ACOT11: variants seen among roughly 807,000 people sequenced by gnomAD.
The protein encoded by ACOT11 is acyl-coenzyme A thioesterase 11.
A neutral mutation model predicts 77.5 loss-of-function variants in ACOT11; 69 were observed. The ratio of observed to expected loss-of-function variants is 0.89; its 90% CI spans 0.73 to 1.09. ACOT11 has a LOEUF of 1.09. Among genes scored for constraint, ACOT11 ranks in the 50% least tolerant of loss-of-function variants. The pLI, the probability that ACOT11 is intolerant of heterozygous loss-of-function variation, is 0.00. For synonymous variants in ACOT11, 279 were observed against 313.0 expected (o/e 0.89, Z 1.15); for missense variants, 766 against 813.7 (o/e 0.94, Z 0.71).
chr1:54,603,971 G>C (rs751061959), intron 11 of ACOT11, 34 bp downstream of exon 11: 1 of 1,601,996 alleles, frequency 6.2e-7, no homozygotes, highest in African/African-American at 1.3e-5. Flanking sequence ...ACAGTCTTCA[G>C]ACCCACCGGG....
chr1:54,632,409 GGTA>G (rs746421229), intron 16 of ACOT11, among the ~76,000 whole-genome samples: 1 of 152,270 alleles, frequency 6.6e-6, no homozygotes, highest in East Asian at 1.9e-4. Flanking sequence ...CTTGCCAGTG[GGTA>G]CAATAGGATT....
chr1:54,606,576 C>T (rs1301921457), intron 13 of ACOT11, among the ~76,000 whole-genome samples: 1 of 152,184 alleles, frequency 6.6e-6, no homozygotes, highest in African/African-American at 2.4e-5. Context: ...AGCCCTGCTT[C>T]CTTATTAGCT....
At chr1:54,557,120 A>C (rs1653284170) in intron 1 of ACOT11, among the ~76,000 whole-genome samples, 1 of 151,252 alleles carries the variant, frequency 6.6e-6, no homozygotes, top group Non-Finnish European at 1.5e-5. Context: ...TAGGCCAGGC[A>C]TGGTGGCTCA....
In ACOT11 at chr1:54,603,957, G is replaced by A; in HGVS notation, c.1152+20G>A. On this transcript the variant is annotated intron_variant, in intron 11 of 15. Coordinates refer to ENST00000343744, the MANE Select transcript of ACOT11 (RefSeq NM_147161.4). ...AACCAGGTAAGGCTCTCTGCTCCGAGAGGACAGTCTTCAGACCCACCGGGC... is the reference window on the plus strand; with the variant it reads ...AACCAGGTAAGGCTCTCTGCTCCGAAAGGACAGTCTTCAGACCCACCGGGC... The A allele has an allele frequency of 6.2e-7, 1 of 1,612,956 alleles. No individual in the cohort carries two copies. Among genetic ancestry groups the A allele is most frequent in the Non-Finnish European group, 8.5e-7 (1 of 1,179,042 alleles).
intron 1 of ACOT11, among the ~76,000 whole-genome samples, chr1:54,575,761 G>A (rs577601954): frequency 1.6e-4 from 24 of 152,322 alleles, no homozygotes; most frequent in African/African-American, 5.8e-4. Flanking sequence ...GGGTGCCCGG[G>A]GTGCTGAGGG....
Position 54,548,280 on chromosome 1 carries a change from G to C in ACOT11, c.-30G>C. On this transcript the variant is annotated 5_prime_UTR_variant, in exon 1 of 16. Coordinates refer to ENST00000343744, the MANE Select transcript of ACOT11 (RefSeq NM_147161.4). Reference sequence around the variant, plus strand: ...AGGTGACCAGCTTGTGTCTCTGGGAGGGCGCTGCTTTCCCCGGCCACCCGG... The same window carrying C: ...AGGTGACCAGCTTGTGTCTCTGGGACGGCGCTGCTTTCCCCGGCCACCCGG... 2 of 1,584,826 alleles carry C rather than the reference G, an allele frequency of 1.3e-6. No individual in the cohort carries two copies. The highest frequency in any genetic ancestry group is 1.7e-6 in the Non-Finnish European group (2 of 1,165,788).
intron 15 of ACOT11, among the ~76,000 whole-genome samples, chr1:54,623,087 A>C (rs1420600233): frequency 1.3e-5 from 2 of 151,686 alleles, no homozygotes; most frequent in Non-Finnish European, 2.9e-5. Flanking sequence ...GAGGCAGGAG[A>C]ATCGCTTGAA....
intron 3 of ACOT11, among the ~76,000 whole-genome samples, chr1:54,589,202 A>G (rs1654617365): frequency 6.6e-6 from 1 of 151,582 alleles, no homozygotes; most frequent in African/African-American, 2.4e-5. Flanking sequence ...TTTTTATTAG[A>G]GATGGGGTTT....
At chr1:54,610,337 CG>C, downstream of ACOT11, 4 of 1,564,778 alleles carry the variant, frequency 2.6e-6, no homozygotes. Flanking sequence ...CAACAGAGAC[CG>C]GCGGTACCTG....
At chr1:54,610,509 G>C (rs371294069), downstream of ACOT11, 45 of 1,613,490 alleles carry the variant, frequency 2.8e-5, no homozygotes, top group Middle Eastern at 1.6e-4. Context: ...GGAGAAGAGG[G>C]ATCAGGCTGC....
chr1:54,610,668 G>C, downstream of ACOT11: 2 of 1,465,628 alleles, frequency 1.4e-6, no homozygotes, highest in South Asian at 2.8e-5. Context: ...AAGCCTCATA[G>C]CACCCTGCCA....
downstream of ACOT11, chr1:54,614,698 A>G (rs763502348): frequency 4.3e-6 from 7 of 1,609,878 alleles, no homozygotes; most frequent in African/African-American, 9.4e-5. Flanking sequence ...GCGAACACTC[A>G]CTGTGTGGCA....
At chr1:54,570,782 G>C (rs886386555) in intron 1 of ACOT11, among the ~76,000 whole-genome samples, 1 of 151,868 alleles carries the variant, frequency 6.6e-6, no homozygotes, top group Non-Finnish European at 1.5e-5. Flanking sequence ...CCAGGTTCAA[G>C]CGACTCTCCT....
intron 15 of ACOT11, among the ~76,000 whole-genome samples, chr1:54,608,525 G>C (rs981715843): frequency 2.6e-5 from 4 of 152,150 alleles, no homozygotes; most frequent in African/African-American, 9.7e-5. Context: ...GTCTGGCCTT[G>C]AGACTCACCC....
At chr1:54,568,600 G>A (rs1253477735) in intron 1 of ACOT11, among the ~76,000 whole-genome samples, 1 of 151,978 alleles carries the variant, frequency 6.6e-6, no homozygotes, top group African/African-American at 2.4e-5. Context: ...CCAACCTCAG[G>A]TGATCCACTC....
At chr1:54,588,890 A>G (rs987563811) in intron 3 of ACOT11, among the ~76,000 whole-genome samples, 6 of 152,192 alleles carry the variant, frequency 3.9e-5, no homozygotes, top group Admixed American at 2.6e-4. Context: ...AGGGGCCTGG[A>G]GCATGGTTGG....
chr1:54,607,163 A>C lies in ACOT11; in HGVS notation c.1400A>C (p.Glu467Ala). 1 of 1,614,140 alleles carries C rather than the reference A, an allele frequency of 6.2e-7. No individual in the cohort carries two copies. Among genetic ancestry groups the C allele is most frequent in the Non-Finnish European group, 8.5e-7 (1 of 1,180,006 alleles). Residue 467 changes from glutamate to alanine, a missense_variant, in exon 14 of 16, where the codon GAG becomes GCG. Physicochemically the swap from Glu to Ala is moderately radical, Grantham distance 107 (BLOSUM62 -1). Transcript: ENST00000343744. This position sits in a 1 kb window ranked among gnomAD's most constrained non-coding sequence, Gnocchi z 4.5. ...RSVELVQQVD[E>A]DDAIYHVTSP... ...GTGGAGCTAGTGCAGCAGGTAGACGAGGACGACGCCATCTACCACGTCACC... is the reference window on the plus strand; with the variant it reads ...GTGGAGCTAGTGCAGCAGGTAGACGCGGACGACGCCATCTACCACGTCACC...
Position 54,623,603 on chromosome 1 carries a change from C to T in ACOT11, c.1630-7131C>T, listed in dbSNP as rs193230265. On this transcript the variant is annotated intron_variant, in intron 15 of 16. Coordinates refer to the ACOT11 transcript ENST00000371316. ...CCCGCCCCAATCCTCTTCCCCACAC[C>T]CTCCCAGGATCTTAACAGGCTAACC... 9.2e-4 allele frequency: 500 copies of T among 546,370 alleles called. 5 individuals carry two copies. The highest frequency in any genetic ancestry group is 7.9e-3 in the African/African-American group (422 of 53,112). 33.8% of individuals were successfully genotyped at this position (546,370 alleles called of 1,614,324 possible). A position where few individuals can be genotyped will look rare whatever the true frequency, so the allele number is the denominator to read the frequency against.
intron 15 of ACOT11, chr1:54,619,870 G>A: frequency 2.5e-6 from 4 of 1,613,908 alleles, no homozygotes; most frequent in East Asian, 4.5e-5. Flanking sequence ...TTACTGTTCA[G>A]GGCAGCTGTC....
Sources: gnomAD v4.1 joint callset for allele counts (sites outside exome capture counted in the v4.1 genomes callset) on GRCh38, gnomAD v4.1.1 for gene constraint, Gnocchi (gnomAD v3.1) non-coding constraint, MANE v1.5 for transcripts, NCBI Gene and HGNC (gene_info 2026-07-23, HGNC 2026-07-21) for gene names.